Variants in ZMYM2 observed in about 807,000 individuals in gnomAD.
ZMYM2 encodes the protein zinc finger MYM-type containing 2, also known as zinc finger MYM-type protein 2.
ZMYM2 carries 56 observed loss-of-function variants against 162.8 expected under a neutral mutation model. The ratio of observed to expected loss-of-function variants is 0.34; its 90% confidence interval spans 0.28 to 0.43. The LOEUF (loss-of-function observed/expected upper bound fraction) is 0.43, where lower values mean the gene tolerates loss of function less well. Ranked by LOEUF, ZMYM2 falls within the 20% of genes least tolerant of loss-of-function variation. The pLI is 1.00. For missense variants in ZMYM2, 1,275 were observed against 1,621.8 expected, an observed-to-expected ratio of 0.79 and a Z score of 3.67; for synonymous variants, 510 against 541.6, an observed-to-expected ratio of 0.94 and a Z score of 0.81.
chr13:19,993,656 G>T lies in ZMYM2; in HGVS notation c.584G>T (p.Ser195Ile), dbSNP rs1217729258. 1 of 1,614,030 alleles carries T rather than the reference G, an allele frequency of 6.2e-7. No homozygotes were observed. The highest frequency in any genetic ancestry group is 8.5e-7 in the Non-Finnish European group (1 of 1,179,914). ...GTTACAACTTTAGAAACAGGTGTAA[G>T]CTCTGTGAATGATGGCCAATTAGAA... is the stretch of plus-strand genomic sequence containing the variant. Reference protein sequence around the residue: ...ANVTTLETGVSSVNDGQLENT... With the variant: ...ANVTTLETGVISVNDGQLENT... Residue 195 changes from serine (S) to isoleucine (I), a missense_variant, in exon 3 of 25, where the codon AGC becomes ATC. Ser to Ile is a moderately radical substitution (Grantham distance 142). Coordinates refer to ENST00000610343, the MANE Select transcript of ZMYM2 (RefSeq NM_197968.4).
At chr13:19,867,906 G>A in the ZMYM2 span, among the ~76,000 whole-genome samples, 13 of 152,196 alleles carry the variant, frequency 8.5e-5, no homozygotes, top group Admixed American at 6.5e-4. Flanking sequence ...GATTACAGGC[G>A]TAAGCCACTG....
At chr13:19,906,753 G>T in the ZMYM2 span, among the ~76,000 whole-genome samples, 8 of 152,000 alleles carry the variant, frequency 5.3e-5, no homozygotes, top group Non-Finnish European at 8.8e-5. Flanking sequence ...TAGAGATGGG[G>T]TCTCACTATG....
At chr13:19,996,838 G>A (rs111336405) in intron 3 of ZMYM2, among the ~76,000 whole-genome samples, 4,034 of 152,286 alleles carry the variant, frequency 0.026, 177 homozygotes, top group African/African-American at 0.09. Context: ...AGTGAGCTAT[G>A]ATTGTGCCAC....
chr13:20,050,825 G>A (rs1379136162), intron 12 of ZMYM2, among the ~76,000 whole-genome samples: 4 of 151,934 alleles, frequency 2.6e-5, no homozygotes. Flanking sequence ...TCCTAGATGT[G>A]GGTCAAATTG....
At chr13:19,945,126 A>G in the ZMYM2 span, among the ~76,000 whole-genome samples, 1 of 152,356 alleles carries the variant, frequency 6.6e-6, no homozygotes, top group East Asian at 1.9e-4. Context: ...CTAAATTTGA[A>G]GTTGGTTACA....
the ZMYM2 span, among the ~76,000 whole-genome samples, chr13:19,883,694 G>T: frequency 3.5e-4 from 54 of 152,116 alleles, no homozygotes; most frequent in Non-Finnish European, 6.2e-4. Flanking sequence ...TAGGCCCTAT[G>T]AATTAAACAT....
At chr13:20,082,275 CTT>C (rs1254204330) in intron 22 of ZMYM2, 145 bp downstream of exon 22, 2 of 647,628 alleles carry the variant, frequency 3.1e-6, no homozygotes, top group Non-Finnish European at 5.2e-6. Context: ...CCTTTCATCT[CTT>C]GTTGAATTAG....
intron 1 of ZMYM2, among the ~76,000 whole-genome samples, chr13:19,959,469 G>T (rs1252089180): frequency 6.6e-6 from 1 of 152,252 alleles, no homozygotes; most frequent in Non-Finnish European, 1.5e-5. Context: ...GGCGGACGGG[G>T]AGGCAGCGCT....
the ZMYM2 span, among the ~76,000 whole-genome samples, chr13:19,889,932 G>A: frequency 8.6e-5 from 13 of 151,616 alleles, no homozygotes; most frequent in Middle Eastern, 0.01. Flanking sequence ...ATCTTCTTAT[G>A]GGATGCTGAT....
At chr13:19,866,030 G>A in the ZMYM2 span, among the ~76,000 whole-genome samples, 1 of 137,868 alleles carries the variant, frequency 7.3e-6, no homozygotes, top group African/African-American at 2.6e-5. Context: ...TTTAAAAAAT[G>A]TAACAAATAC....
chr13:20,048,870 A>G (rs1450181619), intron 12 of ZMYM2, among the ~76,000 whole-genome samples: 2 of 151,418 alleles, frequency 1.3e-5, no homozygotes, highest in Non-Finnish European at 3.0e-5. Flanking sequence ...CAAGAAAACC[A>G]CAAAATAGAT....
intron 11 of ZMYM2, among the ~76,000 whole-genome samples, chr13:20,035,689 A>G (rs2140357018): frequency 6.6e-6 from 1 of 152,298 alleles, no homozygotes; most frequent in African/African-American, 2.4e-5. Flanking sequence ...AGGGATTTAT[A>G]CATTCAGATC....
intron 3 of ZMYM2, among the ~76,000 whole-genome samples, chr13:19,995,865 C>G (rs1949980333): frequency 6.6e-6 from 1 of 152,134 alleles, no homozygotes; most frequent in Admixed American, 6.5e-5. Flanking sequence ...GTGGTGCACA[C>G]CTGTGGTCCC....
chr13:20,081,972 A>G (rs578040957), intron 21 of ZMYM2, 44 bp from the exon 22 acceptor site: 2 of 1,290,140 alleles, frequency 1.6e-6, no homozygotes, highest in South Asian at 1.5e-5. Flanking sequence ...TAATTAGCTG[A>G]TTTTCTTTCA....
the ZMYM2 span, among the ~76,000 whole-genome samples, chr13:19,882,737 A>G: frequency 6.6e-6 from 1 of 151,814 alleles, no homozygotes; most frequent in African/African-American, 2.4e-5. Context: ...ACAGGGTAAG[A>G]CCCTGTCTCA....
intron 3 of ZMYM2, among the ~76,000 whole-genome samples, chr13:19,999,417 G>C (rs535642259): frequency 6.6e-6 from 1 of 152,160 alleles, no homozygotes; most frequent in South Asian, 2.1e-4. Context: ...TGTGATCAGT[G>C]ATCTTTGATG....
chr13:19,915,870 T>TA, the ZMYM2 span, among the ~76,000 whole-genome samples: 1 of 151,254 alleles, frequency 6.6e-6, no homozygotes, highest in Non-Finnish European at 1.5e-5. Context: ...GACACTTTTT[T>TA]TTTTTTTGAG....
At chr13:19,946,429 A>T in the ZMYM2 span, among the ~76,000 whole-genome samples, 2 of 152,186 alleles carry the variant, frequency 1.3e-5, no homozygotes, top group Non-Finnish European at 2.9e-5. Flanking sequence ...TGCTGTTCAG[A>T]GCATTACTTC....
chr13:20,054,744 A>C (rs1335555858), intron 14 of ZMYM2, among the ~76,000 whole-genome samples: 1 of 152,246 alleles, frequency 6.6e-6, no homozygotes, highest in Non-Finnish European at 1.5e-5. Flanking sequence ...AAGAAGTGCA[A>C]CATTGAGCAA....
Sources: allele counts gnomAD v4.1 joint callset (sites outside exome capture counted in the v4.1 genomes callset), GRCh38; gene constraint gnomAD v4.1.1; transcripts MANE v1.5; gene names NCBI Gene and HGNC (gene_info 2026-07-23, HGNC 2026-07-21).